Variants in CDH23 observed in about 807,000 individuals in gnomAD.
CDH23 encodes cadherin-23.
A neutral mutation model predicts 317.1 loss-of-function variants in CDH23; 189 were observed. The ratio of observed to expected loss-of-function variants is 0.60; its 90% CI spans 0.53 to 0.67. CDH23 has a LOEUF of 0.67. Ranked by LOEUF, CDH23 falls within the 30% of genes least tolerant of loss-of-function variation. The pLI, the probability that CDH23 is intolerant of heterozygous loss-of-function variation, is 0.00. For synonymous variants in CDH23, 1,839 were observed against 1,876.8 expected, an observed-to-expected ratio of 0.98 and a Z score of 0.52; for missense variants, 4,401 against 4,592.4, an observed-to-expected ratio of 0.96 and a Z score of 1.20.
At chr10:71,777,210 A>G (rs951847745) in intron 38 of CDH23, among the ~76,000 whole-genome samples, 13 of 152,260 alleles carry the variant, frequency 8.5e-5, no homozygotes, top group Non-Finnish European at 1.5e-5. Context: ...ACAATAGATG[A>G]AGGTTAAATA....
intron 38 of CDH23, chr10:71,755,449 G>T: frequency 6.2e-7 from 1 of 1,612,458 alleles, no homozygotes. Flanking sequence ...CCCGTAGCCA[G>T]GGCTGCAGCC....
rs1244833824 is a variant in CDH23, at chr10:71,777,271, C to T, written c.4846-409C>T. ...TCTTGCCTCTTGTAGTCTGGCAGGA[C>T]ATATAGGCTCAATAAGACACAGGCC... On this transcript the variant is annotated intron_variant, in intron 38 of 69. Transcript: ENST00000224721. Among the ~76,000 whole-genome samples, 5 of 152,196 alleles carry T rather than the reference C, an allele frequency of 3.3e-5. No individual in the cohort carries two copies. In the East Asian group the frequency reaches 9.6e-4, roughly 29 times the overall value.
intron 14 of CDH23, among the ~76,000 whole-genome samples, chr10:71,655,171 C>A (rs1042887808): frequency 6.6e-6 from 1 of 152,088 alleles, no homozygotes; most frequent in Non-Finnish European, 1.5e-5. Context: ...ACGAGCTCTC[C>A]GTGACTGGGA....
intron 20 of CDH23, among the ~76,000 whole-genome samples, chr10:71,692,704 G>T (rs1665603): frequency 0.28 from 42,435 of 151,896 alleles, 6,125 homozygotes; most frequent in South Asian, 0.38. Flanking sequence ...AGAGGGAACT[G>T]TCAGGGTAGA....
At chr10:71,658,334 T>C (rs1438931757) in intron 14 of CDH23, among the ~76,000 whole-genome samples, 2 of 152,204 alleles carry the variant, frequency 1.3e-5, no homozygotes, top group African/African-American at 4.8e-5. Context: ...CTGTCGCCTT[T>C]CTTCCACTGC....
At position 71,751,640 on chromosome 10, in the gene CDH23, C is replaced by T. The variant is rs183458408; in HGVS notation, c.4845+9719C>T. On this transcript the variant is annotated intron_variant, in intron 38 of 69. Transcript: ENST00000224721. This position sits in a 1 kb window ranked among gnomAD's most constrained non-coding sequence, Gnocchi z 4.9. ...ATGAGGTCATGACCTTACAGGTCAT[C>T]GTGCTGTGAAGGTCAGGAAACACTT... The T allele has an allele frequency of 2.5e-3, 3,830 of 1,512,242 alleles. 51 individuals are homozygous for T. The highest frequency in any genetic ancestry group is 0.023 in the South Asian group (1,724 of 75,262). The allele number at this position is 1,512,242 out of a possible 1,614,324, so 93.7% of individuals were successfully genotyped here. A position where few individuals can be genotyped will look rare whatever the true frequency, so the allele number is the denominator to read the frequency against.
intron 6 of CDH23, among the ~76,000 whole-genome samples, chr10:71,526,125 T>C (rs936876458): frequency 8.5e-5 from 13 of 152,206 alleles, no homozygotes; most frequent in African/African-American, 1.4e-4. Context: ...GGTTCACCCA[T>C]CCCAGCTTTG....
At chr10:71,503,199 G>A (rs534380474) in intron 3 of CDH23, among the ~76,000 whole-genome samples, 22 of 152,224 alleles carry the variant, frequency 1.4e-4, no homozygotes, top group Non-Finnish European at 2.4e-4. Context: ...GCAGTCTGGT[G>A]GGCAGATTCC....
At chr10:71,567,380 G>A (rs1857470350) in intron 7 of CDH23, among the ~76,000 whole-genome samples, 1 of 152,218 alleles carries the variant, frequency 6.6e-6, no homozygotes, top group Non-Finnish European at 1.5e-5. Context: ...CCAACCTGCA[G>A]GGCCCAAAGG....
intron 6 of CDH23, among the ~76,000 whole-genome samples, chr10:71,528,487 G>T (rs1855170275): frequency 6.6e-6 from 1 of 152,254 alleles, no homozygotes; most frequent in South Asian, 2.1e-4. Flanking sequence ...CTTCTGCACG[G>T]CTGGCCTTGC....
chr10:71,530,585 G>A (rs1855316729), intron 6 of CDH23, among the ~76,000 whole-genome samples: 1 of 152,284 alleles, frequency 6.6e-6, no homozygotes. Flanking sequence ...TCTTGCAGGT[G>A]AGCAGAGCTA....
chr10:71,553,419 C>T (rs2132321152), intron 6 of CDH23, among the ~76,000 whole-genome samples: 1 of 152,324 alleles, frequency 6.6e-6, no homozygotes, highest in Middle Eastern at 3.4e-3. Context: ...CCACTTATCA[C>T]ATCACACCGC....
At chr10:71,408,303 A>G (rs1162828487) in intron 1 of CDH23, among the ~76,000 whole-genome samples, 1 of 152,128 alleles carries the variant, frequency 6.6e-6, no homozygotes, top group Non-Finnish European at 1.5e-5. Context: ...GTCCCCCATG[A>G]GCTCTCACAC....
At chr10:71,532,230 A>T (rs1855414141) in intron 6 of CDH23, among the ~76,000 whole-genome samples, 1 of 152,180 alleles carries the variant, frequency 6.6e-6, no homozygotes, top group African/African-American at 2.4e-5. Flanking sequence ...GGAGCCTCTA[A>T]TTGATGAACT....
Position 71,751,725 on chromosome 10 carries a change from C to G in CDH23, c.4845+9804C>G, listed in dbSNP as rs753412246. On this transcript the variant is annotated intron_variant, in intron 38 of 69. Coordinates refer to ENST00000224721, the MANE Select transcript of CDH23 (RefSeq NM_022124.6). This position sits in a 1 kb window ranked among gnomAD's most constrained non-coding sequence, Gnocchi z 4.9. ...GGAGGAGACAGGGGGGTGCTGGGCT[C>G]CGAAAGCAGATGCCGCCCAGACTCA... 2.5e-6 allele frequency: 4 copies of G among 1,584,208 alleles called. No homozygotes were observed. In the East Asian group the frequency reaches 9.0e-5, roughly 36 times the overall value.
At chr10:71,594,983 T>C (rs1057225873) in intron 9 of CDH23, among the ~76,000 whole-genome samples, 5 of 152,230 alleles carry the variant, frequency 3.3e-5, no homozygotes, top group African/African-American at 9.7e-5. Flanking sequence ...GGCTCTGGCA[T>C]TAATATACTG....
At position 71,705,015 on chromosome 10, in the gene CDH23, G is replaced by A. The variant is rs1383172638; in HGVS notation, c.2838G>A (p.Val946=). 1.2e-6 allele frequency: 2 copies of A among 1,612,790 alleles called. No homozygotes were observed. Among genetic ancestry groups the A allele is most frequent in the Non-Finnish European group, 1.7e-6 (2 of 1,179,846 alleles). ...TCCTCATCAACAGCAGCAGCGGCGT[G>A]GTGGTCACCACCACCGAGCTGGACC... The part of the protein sequence containing the change: ...MDFLINSSSG[V]VVTTTELDRE... Residue 946 remains valine, a synonymous_variant, in exon 25 of 70, where the codon GTG becomes GTA. Coordinates refer to ENST00000224721, the MANE Select transcript of CDH23 (RefSeq NM_022124.6).
intron 32 of CDH23, chr10:71,732,726 GGCTGGTATCC>G: frequency 8.4e-7 from 1 of 1,186,384 alleles, no homozygotes; most frequent in Non-Finnish European, 1.0e-6. Context: ...TACCTATGCA[GGCTGGTATCC>G]TTCTGTTTTT....
intron 11 of CDH23, among the ~76,000 whole-genome samples, chr10:71,640,166 A>C (rs1219206916): frequency 1.3e-5 from 2 of 152,172 alleles, no homozygotes; most frequent in African/African-American, 2.4e-5. Context: ...AGTTAACCAG[A>C]AGCTACACTG....
Sources: allele counts gnomAD v4.1 joint callset (sites outside exome capture counted in the v4.1 genomes callset), GRCh38; gene constraint gnomAD v4.1.1; non-coding constraint Gnocchi (gnomAD v3.1); transcripts MANE v1.5; gene names NCBI Gene and HGNC (gene_info 2026-07-23, HGNC 2026-07-21).